Variants in HTR2C observed in about 807,000 individuals in gnomAD.
The protein encoded by HTR2C is 5-hydroxytryptamine (serotonin) receptor 2C, G protein-coupled.
In HTR2C, 5 loss-of-function variants were observed where a neutral mutation model predicts 21.0. The ratio of observed to expected loss-of-function variants is 0.24; its 90% CI spans 0.12 to 0.50. The LOEUF (loss-of-function observed/expected upper bound fraction) is 0.50. Among genes scored for constraint, HTR2C ranks in the 20% least tolerant of loss-of-function variants. The probability of loss-of-function intolerance (pLI) is 0.98; values close to 1 mark genes in which losing one functional copy is unlikely to be tolerated. For missense variants in HTR2C, 271 were observed against 371.2 expected (o/e 0.73, Z 2.22); for synonymous variants, 150 against 145.3 (o/e 1.03, Z -0.23).
At chrX:114,883,240 T>C (rs1317105311) in intron 5 of HTR2C, among the ~76,000 whole-genome samples, 1 of 110,734 alleles carries the variant, frequency 9.0e-6, no homozygotes, top group Non-Finnish European at 1.9e-5. Context: ...AATTTAAGCA[T>C]CTATCTATCT....
intron 2 of HTR2C, among the ~76,000 whole-genome samples, chrX:114,621,389 G>A (rs188820535): frequency 2.5e-3 from 280 of 112,183 alleles, no homozygotes; most frequent in African/African-American, 8.4e-3. Flanking sequence ...AGTGAGTGGG[G>A]CTGGGTTCCA....
chrX:114,782,664 G>A (rs782234963), intron 4 of HTR2C, among the ~76,000 whole-genome samples: 12 of 110,621 alleles, frequency 1.1e-4, no homozygotes, highest in African/African-American at 3.6e-4. Flanking sequence ...GATGTAGTGA[G>A]CTGTGATTGC....
intron 4 of HTR2C, among the ~76,000 whole-genome samples, chrX:114,822,927 G>T (rs1270507951): frequency 7.2e-5 from 8 of 111,564 alleles, no homozygotes; most frequent in Non-Finnish European, 9.4e-5. Flanking sequence ...TTGTAATGTG[G>T]TGGTCACATT....
intron 2 of HTR2C, among the ~76,000 whole-genome samples, chrX:114,670,860 T>G (rs1216480716): frequency 8.9e-6 from 1 of 112,357 alleles, no homozygotes; most frequent in Non-Finnish European, 1.9e-5. Flanking sequence ...TTTTTTTTAA[T>G]TTTAACTATA....
At chrX:114,839,036 G>A (rs2070811364) in intron 4 of HTR2C, among the ~76,000 whole-genome samples, 1 of 112,293 alleles carries the variant, frequency 8.9e-6, no homozygotes. Flanking sequence ...ATCTGAGGGA[G>A]TTATAGGAAA....
chrX:114,785,108 A>C (rs1347667069), intron 4 of HTR2C, among the ~76,000 whole-genome samples: 1 of 112,180 alleles, frequency 8.9e-6, no homozygotes, highest in African/African-American at 3.2e-5. Context: ...GTCACAGAAA[A>C]TGTTAATGCT....
intron 2 of HTR2C, chrX:114,651,400 G>C (rs1308233269): frequency 1.6e-5 from 2 of 123,055 alleles, no homozygotes; most frequent in African/African-American, 6.5e-5. Flanking sequence ...AGACTACTTA[G>C]ATATTGTCTC....
intron 2 of HTR2C, among the ~76,000 whole-genome samples, chrX:114,689,995 C>G (rs782585232): frequency 9.0e-6 from 1 of 111,354 alleles, no homozygotes; most frequent in Non-Finnish European, 1.9e-5. Flanking sequence ...GCTCTGGAGA[C>G]ACACTTCATT....
intron 2 of HTR2C, among the ~76,000 whole-genome samples, chrX:114,697,582 C>T (rs782597419): frequency 2.7e-5 from 3 of 111,792 alleles, no homozygotes; most frequent in Non-Finnish European, 5.6e-5. Flanking sequence ...GACATTTCCT[C>T]AAATCCATTC....
intron 2 of HTR2C, among the ~76,000 whole-genome samples, chrX:114,644,801 G>A (rs1320470334): frequency 9.0e-6 from 1 of 110,528 alleles, no homozygotes; most frequent in Non-Finnish European, 1.9e-5. Flanking sequence ...TAAATGAAAA[G>A]TGAGAGCATA....
At chrX:114,765,682 G>A (rs782431944) in intron 4 of HTR2C, among the ~76,000 whole-genome samples, 2 of 111,528 alleles carry the variant, frequency 1.8e-5, no homozygotes, top group Admixed American at 9.6e-5. Context: ...ACATAACTAA[G>A]GAAATAGTCT....
intron 4 of HTR2C, among the ~76,000 whole-genome samples, chrX:114,766,233 T>C (rs782396003): frequency 2.3e-4 from 26 of 111,654 alleles, no homozygotes; most frequent in African/African-American, 7.5e-4. Flanking sequence ...AATCTGAAAG[T>C]ATCATTATGA....
chrX:114,682,433 C>T (rs1354016784), intron 2 of HTR2C, among the ~76,000 whole-genome samples: 4 of 111,341 alleles, frequency 3.6e-5, no homozygotes. Flanking sequence ...TGGGCGGCAA[C>T]ACATTAAAAT....
In HTR2C at chrX:114,742,714, T is replaced by TTG. The variant is rs1452536393; in HGVS notation, c.349+11108_349+11109insGT. Among the ~76,000 whole-genome samples the TTG allele has an allele frequency of 7.8e-4, 50 of 64,344 alleles. No individual in the cohort carries two copies. In the South Asian group the frequency reaches 9.6e-3, roughly 12 times the overall value. The allele number at this position is 64,344 out of a possible 115,157, so 55.9% of individuals were successfully genotyped here. Reference sequence around the variant, plus strand: ...CAAAGCTTCTAAAGCAGCTACTGTTTTTTTTTTTTTTAATTTTTTTTTTTT... The same window carrying TTG: ...CAAAGCTTCTAAAGCAGCTACTGTTTTGTTTTTTTTTTTAATTTTTTTTTTTT... On this transcript the variant is annotated intron_variant, in intron 4 of 5. Transcript: ENST00000276198.
At chrX:114,686,366 C>T (rs1931912491) in intron 2 of HTR2C, among the ~76,000 whole-genome samples, 1 of 110,727 alleles carries the variant, frequency 9.0e-6, no homozygotes, top group African/African-American at 3.3e-5. Flanking sequence ...AACTATTATT[C>T]CCCCTATCAG....
chrX:114,678,669 G>A lies in HTR2C; in HGVS notation c.-79-48189G>A, dbSNP rs6644068. ...GTGAGGCTCAAATGAGATAATGAAT[G>A]TGAAAGTGCTTTGTAAAGTATCATA... On this transcript the variant is annotated intron_variant, in intron 2 of 5. Coordinates refer to ENST00000276198, the MANE Select transcript of HTR2C (RefSeq NM_000868.4). Among the ~76,000 whole-genome samples, 77 of 111,477 alleles carry A rather than the reference G, an allele frequency of 6.9e-4. 2 individuals carry two copies. The East Asian group carries it at 7.1e-3, about 10-fold the overall frequency.
In HTR2C at chrX:114,728,674, C is replaced by T. The variant is rs781955609; in HGVS notation, c.35+1703C>T. Among the ~76,000 whole-genome samples, 6 of 111,065 alleles carry T rather than the reference C, an allele frequency of 5.4e-5. No individual in the cohort carries two copies. In the East Asian group the frequency reaches 1.7e-3, roughly 31 times the overall value. ...CTTCAATAATTCAGTATTTGTCTTA[C>T]AGATTCTTTTATTAAAAAAAAATTT... On this transcript the variant is annotated intron_variant, in intron 3 of 5. Transcript: ENST00000276198.
chrX:114,875,375 G>C (rs1227324521), intron 5 of HTR2C, among the ~76,000 whole-genome samples: 1 of 111,318 alleles, frequency 9.0e-6, no homozygotes, highest in Admixed American at 9.5e-5. Context: ...TAATTTTGTT[G>C]ATTGTTTTCT....
intron 4 of HTR2C, among the ~76,000 whole-genome samples, chrX:114,744,754 C>G (rs1175329403): frequency 2.7e-5 from 3 of 111,489 alleles, no homozygotes; most frequent in East Asian, 2.8e-4. Context: ...ACTCAGCCCC[C>G]CAAAGCTCAT....
Sources: allele counts gnomAD v4.1 joint callset (sites outside exome capture counted in the v4.1 genomes callset), GRCh38; gene constraint gnomAD v4.1.1; transcripts MANE v1.5; gene names NCBI Gene and HGNC (gene_info 2026-07-23, HGNC 2026-07-21).